PTPN21: variants seen among roughly 807,000 people sequenced by gnomAD.
The protein encoded by PTPN21 is tyrosine-protein phosphatase non-receptor type 21.
PTPN21 carries 77 observed loss-of-function variants against 131.8 expected under a neutral mutation model. The ratio of observed to expected loss-of-function variants is 0.58; its 90% CI spans 0.49 to 0.71. PTPN21 has a LOEUF of 0.71. Ranked by LOEUF, PTPN21 falls within the 30% of genes least tolerant of loss-of-function variation. The pLI, the probability that PTPN21 is intolerant of heterozygous loss-of-function variation, is 0.00. For synonymous variants in PTPN21, 715 were observed against 621.3 expected (o/e 1.15, Z -2.24); for missense variants, 1,552 against 1,527.1 (o/e 1.02, Z -0.27).
In PTPN21 at chr14:88,479,834, C is replaced by A. The variant is rs763057906; in HGVS notation, c.1597G>T (p.Val533Leu). Residue 533 changes from valine to leucine, a missense_variant, in exon 13 of 19, where the codon GTG becomes TTG. Physicochemically the swap from Val to Leu is conservative, Grantham distance 32 (BLOSUM62 1). This residue lies in a region of PTPN21 where 1,016 missense variants were observed against 883.5 expected (regional missense o/e 1.15). Transcript: ENST00000556564. ...PYPYPAERRP[V>L]VGAVSVPELT... ...TCCGGCACGCTGACCGCGCCCACCA[C>A]GGGCCGCCGCTCGGCAGGGTAGGGG... The A allele has an allele frequency of 1.3e-6, 2 of 1,551,284 alleles. No individual in the cohort carries two copies. The highest frequency in any genetic ancestry group is 3.6e-5 in the Admixed American group (2 of 56,282).
At chr14:88,546,038 A>G (rs916547179) in intron 2 of PTPN21, among the ~76,000 whole-genome samples, 10 of 151,982 alleles carry the variant, frequency 6.6e-5, no homozygotes, top group Non-Finnish European at 1.3e-4. Context: ...CTGTAGTTCA[A>G]ATATGGTGAA....
At chr14:88,482,685 G>A (rs73314169) in intron 12 of PTPN21, among the ~76,000 whole-genome samples, 5,571 of 151,882 alleles carry the variant, frequency 0.037, 348 homozygotes, top group African/African-American at 0.13. Context: ...CAGAGGGAGG[G>A]AAAAAGCCAC....
chr14:88,469,673 C>T lies in PTPN21; in HGVS notation c.3061G>A (p.Val1021Ile). Reference protein sequence around the residue: ...WPRLGSRHNTVTYGRFKITTR... With the variant: ...WPRLGSRHNTITYGRFKITTR... ...GTGATCTTAAACCTTCCATAGGTGACAGTGTTGTGCCTGGAACCAAGTCGT... is the reference window on the plus strand; with the variant it reads ...GTGATCTTAAACCTTCCATAGGTGATAGTGTTGTGCCTGGAACCAAGTCGT... Residue 1021 changes from valine (V) to isoleucine (I), a missense_variant, in exon 17 of 19, where the codon GTC (valine) becomes ATC (isoleucine). Val to Ile is a conservative substitution (Grantham distance 29, BLOSUM62 3). Coordinates refer to ENST00000556564, the MANE Select transcript of PTPN21 (RefSeq NM_007039.4). The surrounding 1 kb of genome is among the most constrained non-coding windows in gnomAD (Gnocchi z 4.3). The T allele has an allele frequency of 6.2e-7, 1 of 1,614,164 alleles. No homozygotes were observed. Among genetic ancestry groups the T allele is most frequent in the Non-Finnish European group, 8.5e-7 (1 of 1,180,028 alleles).
chr14:88,497,268 A>T lies in PTPN21; in HGVS notation c.787T>A (p.Ser263Thr), dbSNP rs750044071. 1.2e-6 allele frequency: 2 copies of T among 1,613,536 alleles called. No individual in the cohort carries two copies. Among genetic ancestry groups the T allele is most frequent in the South Asian group, 2.2e-5 (2 of 91,068 alleles). The change falls in exon 9 of 19, where the codon TCC (serine) becomes ACC (threonine). Residue 263 changes from serine (S) to threonine (T), a missense_variant. Ser to Thr is a moderately conservative substitution (Grantham distance 58, BLOSUM62 1). Transcript: ENST00000556564. ...VFRWHDIANMSHNKSFFALEL... is the reference protein window; with the variant it reads ...VFRWHDIANMTHNKSFFALEL... ...AATGCAAAAAAGGACTTGTTGTGGG[A>T]CATGTTGGCAATGTCATGCCACCTA... is the stretch of plus-strand genomic sequence containing the variant.
chr14:88,545,776 C>A (rs752067695), intron 2 of PTPN21, among the ~76,000 whole-genome samples: 16 of 152,068 alleles, frequency 1.1e-4, no homozygotes, highest in Non-Finnish European at 1.9e-4. Context: ...TCCTGGCTAA[C>A]ACGGTGAAAC....
intron 10 of PTPN21, among the ~76,000 whole-genome samples, chr14:88,495,045 GTGTCA>G (rs2077888360): frequency 1.9e-5 from 1 of 53,422 alleles, no homozygotes. Context: ...AAAAAGAAGA[GTGTCA>G]GTGTCAGGAT....
At chr14:88,502,343 C>G (rs2078022549) in intron 6 of PTPN21, among the ~76,000 whole-genome samples, 1 of 152,172 alleles carries the variant, frequency 6.6e-6, no homozygotes, top group South Asian at 2.1e-4. Flanking sequence ...TGGCCAATCC[C>G]TAATATCCTT....
chr14:88,532,775 G>T (rs1006055156), intron 2 of PTPN21, among the ~76,000 whole-genome samples: 3 of 152,088 alleles, frequency 2.0e-5, no homozygotes, highest in Non-Finnish European at 4.4e-5. Flanking sequence ...TAGCAAAGGA[G>T]AACACGTACA....
At position 88,469,481 on chromosome 14, in the gene PTPN21, A is replaced by G. The variant is rs373683036; in HGVS notation, c.3235+18T>C. 73 of 1,586,032 alleles carry G rather than the reference A, an allele frequency of 4.6e-5. No individual in the cohort carries two copies. In the Middle Eastern group the frequency reaches 2.0e-3, roughly 43 times the overall value. On this transcript the variant is annotated intron_variant, in intron 17 of 18. Transcript: ENST00000556564. The surrounding 1 kb of genome is among the most constrained non-coding windows in gnomAD (Gnocchi z 4.3). The stretch of plus-strand genomic sequence containing the variant: ...CTCCAGAGGCAGCTGTCCTCGGAAC[A>G]AAGTTAAAGTCACTCACATAAAAAT...
chr14:88,547,153 A>C (rs2078793853), intron 2 of PTPN21, among the ~76,000 whole-genome samples: 1 of 152,198 alleles, frequency 6.6e-6, no homozygotes, highest in African/African-American at 2.4e-5. Flanking sequence ...CTGTGGGTTC[A>C]GTTCTCCCTG....
intron 15 of PTPN21, 119 bp from the exon 16 acceptor site, chr14:88,470,169 G>A: frequency 1.1e-6 from 1 of 886,228 alleles, no homozygotes; most frequent in South Asian, 1.7e-5. Context: ...TAAAAAAGTA[G>A]TAAACTGGAT....
At chr14:88,484,717 C>T (rs1006075355) in intron 12 of PTPN21, among the ~76,000 whole-genome samples, 7 of 152,116 alleles carry the variant, frequency 4.6e-5, no homozygotes, top group African/African-American at 1.4e-4. Flanking sequence ...GGTGAAACCC[C>T]ATGTCTACTA....
chr14:88,530,966 C>A (rs2078548771), intron 2 of PTPN21, among the ~76,000 whole-genome samples: 1 of 152,028 alleles, frequency 6.6e-6, no homozygotes, highest in Non-Finnish European at 1.5e-5. Context: ...AACATTCTAC[C>A]CAACAACTGC....
chr14:88,532,345 T>A (rs980264058), intron 2 of PTPN21, among the ~76,000 whole-genome samples: 9 of 151,916 alleles, frequency 5.9e-5, no homozygotes, highest in African/African-American at 2.2e-4. Context: ...AATGTTTAAA[T>A]ACAACAAATT....
rs1397505459 is a variant in PTPN21, at chr14:88,479,460, T to A, written c.1971A>T (p.Leu657=). 6 of 1,601,910 alleles carry A rather than the reference T, an allele frequency of 3.7e-6. No homozygotes were observed. Among genetic ancestry groups the A allele is most frequent in the Non-Finnish European group, 5.1e-6 (6 of 1,178,756 alleles). ...GCGCCACCTCTGCCGCCGACGCGGATAGGGTGCGCTCCTTGAGCCGCAGGC... is the reference window on the plus strand; with the variant it reads ...GCGCCACCTCTGCCGCCGACGCGGAAAGGGTGCGCTCCTTGAGCCGCAGGC... The part of the protein sequence containing the change: ...LEGLRLKERT[L]SASAAEVAPR... Residue 657 remains leucine (L), a synonymous_variant, in exon 13 of 19, where the codon CTA becomes CTT. Coordinates refer to ENST00000556564, the MANE Select transcript of PTPN21 (RefSeq NM_007039.4).
At chr14:88,539,962 A>G (rs915003376) in intron 2 of PTPN21, among the ~76,000 whole-genome samples, 1 of 152,236 alleles carries the variant, frequency 6.6e-6, no homozygotes, top group African/African-American at 2.4e-5. Context: ...AAGTGTCTAC[A>G]TATTATTTCT....
Position 88,479,649 on chromosome 14 carries a change from G to A in PTPN21, c.1782C>T (p.Leu594=). The A allele has an allele frequency of 6.4e-7, 1 of 1,554,716 alleles. No homozygotes were observed. Among genetic ancestry groups the A allele is most frequent in the Non-Finnish European group, 8.7e-7 (1 of 1,155,174 alleles). The change falls in exon 13 of 19, where the codon CTC becomes CTT. Residue 594 remains leucine, a synonymous_variant. Coordinates refer to ENST00000556564, the MANE Select transcript of PTPN21 (RefSeq NM_007039.4). ...CCGAGTGGTGCACGCGCCGCGTGAT[G>A]AGGTCGGGGTTGCTGCTGCTGATGT... The part of the protein sequence containing the change: ...HLYISSSNPD[L]ITRRVHHSVQ...
chr14:88,469,742 G>A lies in PTPN21; in HGVS notation c.3001-9C>T, dbSNP rs773397393. The A allele has an allele frequency of 1.9e-5, 30 of 1,613,624 alleles. No homozygotes were observed. The Admixed American group carries it at 4.3e-4, about 23-fold the overall frequency. ...TTCTCCCTTCCACCCTCCTGTTAAAGATGAGCATGGTTAAATGACTCGAGA... is the reference window on the plus strand; with the variant it reads ...TTCTCCCTTCCACCCTCCTGTTAAAAATGAGCATGGTTAAATGACTCGAGA... On this transcript the variant is annotated splice_polypyrimidine_tract_variant and intron_variant, in intron 16 of 18. Transcript: ENST00000556564. The surrounding 1 kb of genome is among the most constrained non-coding windows in gnomAD (Gnocchi z 4.3).
At chr14:88,518,273 T>TACACAC (rs1555388159) in intron 2 of PTPN21, among the ~76,000 whole-genome samples, 12 of 68,216 alleles carry the variant, frequency 1.8e-4, no homozygotes, top group South Asian at 5.9e-4. Flanking sequence ...TATATATATA[T>TACACAC]ACACACACAC....
Sources: gnomAD v4.1 joint callset for allele counts (sites outside exome capture counted in the v4.1 genomes callset) on GRCh38, gnomAD v4.1.1 for gene constraint, gnomAD v4.1.1 regional missense constraint, Gnocchi (gnomAD v3.1) non-coding constraint, MANE v1.5 for transcripts, NCBI Gene and HGNC (gene_info 2026-07-23, HGNC 2026-07-21) for gene names.